The following TANGO2 variants were observed in gnomAD, a reference collection of about 807,000 sequenced individuals.
The protein encoded by TANGO2 is transport and Golgi organization protein 2 homolog.
Under a neutral mutation model 39.1 loss-of-function variants are expected in TANGO2, and 26 were observed. The ratio of observed to expected loss-of-function variants is 0.67; its 90% CI spans 0.49 to 0.92. TANGO2 has a LOEUF of 0.92. TANGO2 is among the 40% of genes least tolerant of loss of function. The pLI, the probability that TANGO2 is intolerant of heterozygous loss-of-function variation, is 0.00. For synonymous variants in TANGO2, 131 were observed against 144.5 expected, an observed-to-expected ratio of 0.91 and a Z score of 0.67; for missense variants, 326 against 360.1, an observed-to-expected ratio of 0.91 and a Z score of 0.77.
chr22:20,045,293 G>A, intron 3 of TANGO2, among the ~76,000 whole-genome samples: 1 of 148,658 alleles, frequency 6.7e-6, no homozygotes, highest in Admixed American at 6.7e-5. Flanking sequence ...AAAAAAATTA[G>A]CCAGCTGTGG....
intron 1 of TANGO2, among the ~76,000 whole-genome samples, chr22:20,024,593 G>T (rs568515756): frequency 1.3e-5 from 2 of 152,320 alleles, no homozygotes; most frequent in South Asian, 4.1e-4. Context: ...GCCATTAAAT[G>T]GGGGCAGCAG....
intron 1 of TANGO2, among the ~76,000 whole-genome samples, chr22:20,028,928 C>T (rs1444317132): frequency 6.6e-6 from 1 of 152,220 alleles, no homozygotes; most frequent in Non-Finnish European, 1.5e-5. Context: ...CACTGAGAGC[C>T]AGGGAAGCAG....
intron 2 of TANGO2, 144 bp downstream of exon 2, chr22:20,036,998 G>T (rs1371388090): frequency 6.3e-7 from 1 of 1,596,644 alleles, no homozygotes; most frequent in South Asian, 1.1e-5. Flanking sequence ...CCAGGACAGG[G>T]TCACTCAGTG....
At chr22:20,060,217 C>T (rs554792655) in intron 6 of TANGO2, among the ~76,000 whole-genome samples, 11 of 151,996 alleles carry the variant, frequency 7.2e-5, no homozygotes, top group East Asian at 1.9e-4. Context: ...GGCGTGGTGG[C>T]GGGTGCCTGT....
At chr22:20,025,459 C>T (rs1374860675) in intron 1 of TANGO2, among the ~76,000 whole-genome samples, 1 of 151,974 alleles carries the variant, frequency 6.6e-6, no homozygotes, top group Non-Finnish European at 1.5e-5. Context: ...TGGGTGTGCA[C>T]GCTTTCAGTG....
At chr22:20,025,766 G>A (rs8142163) in intron 1 of TANGO2, among the ~76,000 whole-genome samples, 11,179 of 152,232 alleles carry the variant, frequency 0.073, 1,103 homozygotes, top group African/African-American at 0.22. Flanking sequence ...TTGTGGACTT[G>A]GGCACCTGCA....
In TANGO2 at chr22:20,065,216, G is replaced by A. The variant is rs1470582816; in HGVS notation, c.*554G>A. ...CAGGAGTAGGCTTGTATTTAAAAGC[G>A]GCCCCTCCTCTCCTGTGGCCACAGA... On this transcript the variant is annotated 3_prime_UTR_variant, in exon 9 of 9. Transcript: ENST00000327374. The A allele has an allele frequency of 2.6e-5, 4 of 153,372 alleles. 1 individual carries two copies. The highest frequency in any genetic ancestry group is 9.7e-5 in the African/African-American group (4 of 41,434). 9.5% of individuals were successfully genotyped at this position (153,372 alleles called of 1,614,324 possible). A position where few individuals can be genotyped will look rare whatever the true frequency, so the allele number is the denominator to read the frequency against.
intron 1 of TANGO2, chr22:20,033,248 C>T (rs768868233): frequency 1.9e-6 from 1 of 526,930 alleles, no homozygotes; most frequent in Non-Finnish European, 3.9e-6. Flanking sequence ...GAGGCCACAG[C>T]CCTTGGCTCT....
At chr22:20,021,960 A>G (rs951284161) in intron 1 of TANGO2, among the ~76,000 whole-genome samples, 1 of 152,200 alleles carries the variant, frequency 6.6e-6, no homozygotes, top group African/African-American at 2.4e-5. Flanking sequence ...GGAATGTCAC[A>G]TGCCCTGCCC....
rs1356814334 is a variant in TANGO2, at chr22:20,028,127, TGA to T, written c.-40+6884_-40+6885del. 2.0e-5 allele frequency among the ~76,000 whole-genome samples: 3 copies of T among 152,164 alleles called. No individual in the cohort carries two copies. In the East Asian group the frequency reaches 5.8e-4, roughly 29 times the overall value. The stretch of plus-strand genomic sequence containing the variant: ...TTTTATTATATTATTAGTATTATAT[TGA>T]GACAGAGTCTCCCTCTGTTGCTGTG... On this transcript the variant is annotated intron_variant, in intron 1 of 8. Transcript: ENST00000327374.
intron 5 of TANGO2, 23 bp from the exon 6 acceptor site, chr22:20,055,920 C>T (rs2047243034): frequency 7.5e-6 from 12 of 1,605,536 alleles, no homozygotes; most frequent in Non-Finnish European, 1.0e-5. Context: ...TGTAGTCTGA[C>T]ATTCTCTCCC....
At chr22:20,035,277 C>T (rs945996060) in intron 1 of TANGO2, among the ~76,000 whole-genome samples, 2 of 152,256 alleles carry the variant, frequency 1.3e-5, no homozygotes, top group Non-Finnish European at 2.9e-5. Context: ...CCCTAATGCC[C>T]GTGCCTATGG....
intron 2 of TANGO2, among the ~76,000 whole-genome samples, chr22:20,038,778 T>G (rs2043328021): frequency 6.6e-6 from 1 of 152,162 alleles, no homozygotes; most frequent in Non-Finnish European, 1.5e-5. Flanking sequence ...AAGGGCACGC[T>G]GCAGGCTGGG....
At chr22:20,047,923 G>GTTTTTTTTTTTTTTTT (rs201871525) in intron 3 of TANGO2, 1 of 148,756 alleles carries the variant, frequency 6.7e-6, no homozygotes, top group African/African-American at 2.5e-5. Context: ...ATCTGATAGT[G>GTTTTTTTTTTTTTTTT]TTTTGTTTTT....
At chr22:20,022,212 C>T (rs1335655335) in intron 1 of TANGO2, among the ~76,000 whole-genome samples, 2 of 152,224 alleles carry the variant, frequency 1.3e-5, no homozygotes, top group Admixed American at 6.5e-5. Flanking sequence ...GGTGGCAGAT[C>T]GTGTTCCCAA....
At chr22:20,051,741 T>C (rs2046379969) in intron 3 of TANGO2, among the ~76,000 whole-genome samples, 1 of 152,082 alleles carries the variant, frequency 6.6e-6, no homozygotes, top group Non-Finnish European at 1.5e-5. Flanking sequence ...TGGTCCCAGC[T>C]ACTTGGGCTG....
At chr22:20,031,668 T>G (rs928711899) in intron 1 of TANGO2, among the ~76,000 whole-genome samples, 1 of 152,232 alleles carries the variant, frequency 6.6e-6, no homozygotes, top group African/African-American at 2.4e-5. Flanking sequence ...GTGAACACAG[T>G]GACCACCATG....
intron 1 of TANGO2, among the ~76,000 whole-genome samples, chr22:20,034,047 A>T (rs1483226350): frequency 6.6e-6 from 1 of 152,164 alleles, no homozygotes; most frequent in African/African-American, 2.4e-5. Flanking sequence ...CTCCACTAAA[A>T]ATACAAAATT....
At chr22:20,056,242 G>T (rs765408468) in intron 6 of TANGO2, 1 of 687,166 alleles carries the variant, frequency 1.5e-6, no homozygotes, top group Non-Finnish European at 2.7e-6. Flanking sequence ...AGCAAGGTGC[G>T]CCCCTGTTCT....
Sources: gnomAD v4.1 joint callset for allele counts (sites outside exome capture counted in the v4.1 genomes callset) on GRCh38, gnomAD v4.1.1 for gene constraint, MANE v1.5 for transcripts, NCBI Gene and HGNC (gene_info 2026-07-23, HGNC 2026-07-21) for gene names.